ILRUN: variants seen among roughly 807,000 people sequenced by gnomAD.
ILRUN encodes the protein inflammation and lipid regulator with UBA-like and NBR1-like domains, also known as protein ILRUN.
Under a neutral mutation model 33.8 loss-of-function variants are expected in ILRUN, and 3 were observed. The observed-to-expected ratio is 0.09, with a 90% CI of 0.04 to 0.23. ILRUN has a LOEUF of 0.23. Among genes scored for constraint, ILRUN ranks in the 10% least tolerant of loss-of-function variants. ILRUN has a pLI of 1.00. For synonymous variants in ILRUN, 124 were observed against 138.9 expected, an observed-to-expected ratio of 0.89 and a Z score of 0.75; for missense variants, 210 against 375.1, an observed-to-expected ratio of 0.56 and a Z score of 3.64.
At position 34,606,540 on chromosome 6, in the gene ILRUN, TC is replaced by T. The variant is rs1339185907; in HGVS notation, c.861+14del. ...GGCCCACCACCTACCCCTTCTCTTC[TC>T]CAAGGGCACCTACCTTACTGTAAGT... On this transcript the variant is annotated intron_variant, in intron 4 of 4. Coordinates refer to ENST00000374023, the MANE Select transcript of ILRUN (RefSeq NM_024294.4). 6.2e-7 allele frequency: 1 copy of T among 1,604,996 alleles called. No homozygotes were observed. The highest frequency in any genetic ancestry group is 1.7e-5 in the Admixed American group (1 of 59,564).
chr6:34,597,423 G>A (rs1192178654), intron 4 of ILRUN, among the ~76,000 whole-genome samples: 1 of 152,192 alleles, frequency 6.6e-6, no homozygotes, highest in Non-Finnish European at 1.5e-5. Flanking sequence ...CAACATGAGA[G>A]AAGCTTATTC....
intron 4 of ILRUN, among the ~76,000 whole-genome samples, chr6:34,605,493 G>T (rs1172318524): frequency 6.6e-6 from 1 of 151,614 alleles, no homozygotes; most frequent in Non-Finnish European, 1.5e-5. Context: ...GCCAGGCATG[G>T]TGGTGGGCAC....
intron 1 of ILRUN, among the ~76,000 whole-genome samples, chr6:34,681,718 A>G (rs1245702496): frequency 6.6e-6 from 1 of 152,166 alleles, no homozygotes; most frequent in African/African-American, 2.4e-5. Flanking sequence ...GCTTACTACT[A>G]GATAGTTTAC....
intron 4 of ILRUN, among the ~76,000 whole-genome samples, chr6:34,594,612 A>C (rs920283144): frequency 6.6e-6 from 1 of 152,196 alleles, no homozygotes; most frequent in Non-Finnish European, 1.5e-5. Flanking sequence ...GCTTTCCCTA[A>C]GCTTTCACTG....
chr6:34,605,643 G>C (rs1051979837), intron 4 of ILRUN, among the ~76,000 whole-genome samples: 1 of 151,996 alleles, frequency 6.6e-6, no homozygotes, highest in East Asian at 1.9e-4. Context: ...CAAATAAAAA[G>C]TAAAAATAAA....
intron 1 of ILRUN, among the ~76,000 whole-genome samples, chr6:34,664,089 CAG>C (rs570665252): frequency 3.9e-4 from 60 of 152,268 alleles, no homozygotes; most frequent in African/African-American, 1.3e-3. Flanking sequence ...TCAAAAGGAA[CAG>C]AGTGTTGATG....
At chr6:34,614,443 A>ATATATAT (rs775273061) in intron 3 of ILRUN, among the ~76,000 whole-genome samples, 165 of 133,580 alleles carry the variant, frequency 1.2e-3, no homozygotes, top group South Asian at 8.2e-3. Context: ...AAAAAAAAAA[A>ATATATAT]ATATATATAT....
chr6:34,600,796 CGTAGCT>C (rs1418208450), intron 4 of ILRUN, among the ~76,000 whole-genome samples: 3 of 152,268 alleles, frequency 2.0e-5, no homozygotes, highest in Middle Eastern at 3.4e-3. Flanking sequence ...TCATTTAAAA[CGTAGCT>C]GTACATTACA....
At chr6:34,671,980 C>T (rs530485240) in intron 1 of ILRUN, 2 of 152,312 alleles carry the variant, frequency 1.3e-5, no homozygotes, top group African/African-American at 4.8e-5. Flanking sequence ...ACTAGTTAGG[C>T]CTCATATCCC....
chr6:34,613,676 G>A (rs533898292), intron 3 of ILRUN, among the ~76,000 whole-genome samples: 2 of 152,286 alleles, frequency 1.3e-5, no homozygotes, highest in East Asian at 1.9e-4. Context: ...CTGTGGTACT[G>A]AATTAAAGTC....
intron 3 of ILRUN, among the ~76,000 whole-genome samples, chr6:34,631,904 TA>T (rs894296198): frequency 1.2e-4 from 18 of 151,650 alleles, no homozygotes; most frequent in East Asian, 3.9e-4. Flanking sequence ...TTACCTCAAT[TA>T]AAAAAAAATC....
In ILRUN at chr6:34,646,384, C is replaced by A. The variant is rs1357478363; in HGVS notation, c.511+217G>T. Among the ~76,000 whole-genome samples, 1 of 152,068 alleles carries A rather than the reference C, an allele frequency of 6.6e-6. No homozygotes were observed. The highest frequency in any genetic ancestry group is 1.9e-4 in the East Asian group (1 of 5,196). ...TTTATTTAGAACACAAAATATAATA[C>A]CTCGTACAGGTCACTAAATTATATT... On this transcript the variant is annotated intron_variant, in intron 3 of 4. Coordinates refer to ENST00000374023, the MANE Select transcript of ILRUN (RefSeq NM_024294.4). The surrounding 1 kb of genome is among the most constrained non-coding windows in gnomAD (Gnocchi z 4.9).
intron 4 of ILRUN, 60 bp downstream of exon 4, chr6:34,606,495 A>G (rs1288405996): frequency 1.5e-6 from 2 of 1,374,552 alleles, no homozygotes; most frequent in Non-Finnish European, 2.0e-6. Context: ...TTTGCCATGA[A>G]GGGGTATCAC....
At chr6:34,624,968 C>A (rs1439063486) in intron 3 of ILRUN, among the ~76,000 whole-genome samples, 2 of 152,170 alleles carry the variant, frequency 1.3e-5, no homozygotes, top group Non-Finnish European at 2.9e-5. Flanking sequence ...TAGTTTCTGG[C>A]TTCAAGGAAA....
chr6:34,676,442 CTAGA>C (rs1554188908), intron 1 of ILRUN, among the ~76,000 whole-genome samples: 95 of 149,748 alleles, frequency 6.3e-4, no homozygotes, highest in African/African-American at 2.3e-3. Flanking sequence ...AGCTAGCTAG[CTAGA>C]TAGATAGATA....
intron 1 of ILRUN, among the ~76,000 whole-genome samples, chr6:34,661,162 G>C (rs1762877320): frequency 6.6e-6 from 1 of 152,050 alleles, no homozygotes; most frequent in Admixed American, 6.5e-5. Context: ...TAAGTACTCT[G>C]CCACAAAAAA....
rs1554190347 is a variant in ILRUN, at chr6:34,687,708, A to AAAAT, written c.158+8737_158+8738insATTT. The stretch of plus-strand genomic sequence containing the variant: ...GCAAGACTCCATCTCCAAAAAAAAA[A>AAAAT]ATATATATATATATATATTTATAAA... On this transcript the variant is annotated intron_variant, in intron 1 of 4. Coordinates refer to ENST00000374023, the MANE Select transcript of ILRUN (RefSeq NM_024294.4). Among the ~76,000 whole-genome samples the AAAAT allele has an allele frequency of 6.4e-3, 917 of 143,296 alleles. 16 individuals carry two copies. Among genetic ancestry groups the AAAAT allele is most frequent in the African/African-American group, 0.023 (854 of 37,740 alleles). 94.0% of individuals were successfully genotyped at this position (143,296 alleles called of 152,430 possible).
At chr6:34,641,023 G>C (rs1278384888) in intron 3 of ILRUN, among the ~76,000 whole-genome samples, 3 of 145,026 alleles carry the variant, frequency 2.1e-5, no homozygotes, top group African/African-American at 7.8e-5. Flanking sequence ...AGGTTGCAGT[G>C]AGCTGAGATG....
At chr6:34,632,173 G>C (rs915748372) in intron 3 of ILRUN, among the ~76,000 whole-genome samples, 2 of 152,216 alleles carry the variant, frequency 1.3e-5, no homozygotes, top group African/African-American at 2.4e-5. Context: ...GGGCGTGGTG[G>C]CTCACACCTG....
Sources: gnomAD v4.1 joint callset for allele counts (sites outside exome capture counted in the v4.1 genomes callset) on GRCh38, gnomAD v4.1.1 for gene constraint, Gnocchi (gnomAD v3.1) non-coding constraint, MANE v1.5 for transcripts, NCBI Gene and HGNC (gene_info 2026-07-23, HGNC 2026-07-21) for gene names.